Variants in KIF21B observed in about 807,000 individuals in gnomAD.
KIF21B encodes the protein kinesin family member 21B.
In KIF21B, 85 loss-of-function variants were observed where a neutral mutation model predicts 192.9. That is an observed-to-expected ratio of 0.44 (90% confidence interval 0.37 to 0.53). The LOEUF (loss-of-function observed/expected upper bound fraction) is 0.53, where lower values mean the gene tolerates loss of function less well. KIF21B is among the 20% of genes least tolerant of loss of function. The pLI is 0.00. For synonymous variants in KIF21B, 832 were observed against 884.6 expected (o/e 0.94, Z 1.05); for missense variants, 1,716 against 2,194.8 (o/e 0.78, Z 4.36).
In KIF21B at chr1:200,988,895, G is replaced by T. The variant is rs1467137241; in HGVS notation, c.3169C>A (p.Leu1057Met). 2 of 1,612,522 alleles carry T rather than the reference G, an allele frequency of 1.2e-6. No individual in the cohort carries two copies. Among genetic ancestry groups the T allele is most frequent in the Non-Finnish European group, 1.7e-6 (2 of 1,179,482 alleles). Residue 1057 changes from leucine to methionine, a missense_variant, in exon 22 of 35, where the codon CTG (leucine) becomes ATG (methionine). Transcript: ENST00000461742. ...QVAQKEAQIR[L>M]LEGRLRQTDM... is the part of the protein sequence containing the mutation. ...GTCTGCCTCAGTCGGCCCTCCAACA[G>T]CCGGATCTGGGCTTCCTTTTGTGCC...
chr1:200,992,261 G>T, intron 16 of KIF21B, 21 bp downstream of exon 16: 2 of 1,606,564 alleles, frequency 1.2e-6, no homozygotes, highest in Non-Finnish European at 1.7e-6. Context: ...GCTCCTGGGA[G>T]GCTCAAGGGC....
chr1:201,011,277 T>C (rs1212285752), intron 1 of KIF21B, among the ~76,000 whole-genome samples: 1 of 152,226 alleles, frequency 6.6e-6, no homozygotes, highest in Admixed American at 6.5e-5. Context: ...GCAGCAGACA[T>C]GCACTGAGCA....
intron 6 of KIF21B, 69 bp from the exon 7 acceptor site, chr1:201,004,524 C>G: frequency 7.3e-7 from 1 of 1,369,686 alleles, no homozygotes. Flanking sequence ...ACAAGAAAAT[C>G]CCCAACCCAT....
rs377370935 is a variant in KIF21B at position 200,977,253 on chromosome 1, G to A, written c.4284C>T (p.Tyr1428=). The A allele has an allele frequency of 5.8e-5, 93 of 1,614,060 alleles. 1 individual carries two copies. Among genetic ancestry groups the A allele is most frequent in the African/African-American group, 4.4e-4 (33 of 75,066 alleles). Reference sequence around the variant, plus strand: ...TGCGGACGGCATTGCCCGAGGCGGCGTACAGCATGGTGCCCGAAGGGCTGA... The same window carrying A: ...TGCGGACGGCATTGCCCGAGGCGGCATACAGCATGGTGCCCGAAGGGCTGA... ...IALSPSGTML[Y]AASGNAVRIW... The change falls in exon 31 of 35, where the codon TAC becomes TAT. Residue 1428 remains tyrosine, a synonymous_variant. Transcript: ENST00000461742.
chr1:200,991,684 C>T lies in KIF21B; in HGVS notation c.2427G>A (p.Glu809=). The T allele has an allele frequency of 1.2e-6, 2 of 1,614,192 alleles. No individual in the cohort carries two copies. Among genetic ancestry groups the T allele is most frequent in the Non-Finnish European group, 1.7e-6 (2 of 1,180,052 alleles). Residue 809 remains glutamate, a synonymous_variant, in exon 17 of 35, where the codon GAG becomes GAA. Transcript: ENST00000461742. The stretch of plus-strand genomic sequence containing the variant: ...CCTGGGTCTTCCTCCTCAGGACCAT[C>T]TCCTGCTGCCGCTTCTGGGACTCCA... ...RALESQKRQQ[E]MVLRRKTQEV...
chr1:200,998,559 C>T lies in KIF21B; in HGVS notation c.1902G>A (p.Ala634=), dbSNP rs61740473. Residue 634 remains alanine (A), a synonymous_variant, in exon 14 of 35, where the codon GCG becomes GCA. Coordinates refer to ENST00000461742, the MANE Select transcript of KIF21B (RefSeq NM_001252102.2). The surrounding 1 kb of genome is among the most constrained non-coding windows in gnomAD (Gnocchi z 4.3). ...DPEEKEVNFQ[A]DLADLTCEIE... is the part of the protein sequence containing the mutation. ...TCTCACAAGTCAGGTCGGCCAGGTC[C>T]GCCTGGAAGTTCACCTCTATGGGGG... The T allele has an allele frequency of 2.1e-5, 34 of 1,613,252 alleles. No homozygotes were observed. Among genetic ancestry groups the T allele is most frequent in the Admixed American group, 3.3e-5 (2 of 59,978 alleles).
Position 200,972,068 on chromosome 1 carries a change from C to T in KIF21B, c.*1453G>A, listed in dbSNP as rs1273219868. The T allele has an allele frequency of 4.0e-5, 4 of 101,048 alleles. No homozygotes were observed. The East Asian group carries it at 8.9e-4, about 22-fold the overall frequency. 6.3% of individuals were successfully genotyped at this position (101,048 alleles called of 1,614,324 possible). ...TGGGCAACTTTGGGTGGGGGTGGGG[C>T]GGGGGAGAGGGATGGAGCTCAGTCC... is the stretch of plus-strand genomic sequence containing the variant. On this transcript the variant is annotated 3_prime_UTR_variant, in exon 35 of 35. Coordinates refer to ENST00000461742, the MANE Select transcript of KIF21B (RefSeq NM_001252102.2).
chr1:200,979,028 TAC>T (rs1312230625), intron 30 of KIF21B, among the ~76,000 whole-genome samples: 6 of 152,252 alleles, frequency 3.9e-5, no homozygotes, highest in Non-Finnish European at 8.8e-5. Flanking sequence ...GACTGTAGCT[TAC>T]AGTGTTAATG....
chr1:201,005,482 G>T (rs1657758876), intron 4 of KIF21B, 40 bp from the exon 5 acceptor site: 2 of 1,595,512 alleles, frequency 1.3e-6, no homozygotes, highest in East Asian at 4.5e-5. Context: ...GGACTACCGT[G>T]GTGCCAGCCC....
intron 22 of KIF21B, 53 bp from the exon 23 acceptor site, chr1:200,988,597 CG>C: frequency 1.3e-6 from 2 of 1,500,398 alleles, no homozygotes; most frequent in Non-Finnish European, 9.0e-7. Context: ...GTCCAAGTGT[CG>C]GGGGAGGGAT....
rs1048506139 is a variant in KIF21B, at chr1:200,971,598, A to T, written c.*1923T>A. The T allele has an allele frequency of 1.3e-5, 2 of 152,388 alleles. No homozygotes were observed. Among genetic ancestry groups the T allele is most frequent in the Non-Finnish European group, 2.9e-5 (2 of 68,064 alleles). The allele number at this position is 152,388 out of a possible 1,614,324, so 9.4% of individuals were successfully genotyped here. On this transcript the variant is annotated 3_prime_UTR_variant, in exon 35 of 35. Coordinates refer to ENST00000461742, the MANE Select transcript of KIF21B (RefSeq NM_001252102.2). Reference sequence around the variant, plus strand: ...GATTTGTGGCCACATCTTAGAGCTAAGGGGGTTGCCCGGCACCCCCGGGGT... The same window carrying T: ...GATTTGTGGCCACATCTTAGAGCTATGGGGGTTGCCCGGCACCCCCGGGGT...
Position 200,999,872 on chromosome 1 carries a change from G to A in KIF21B, c.1767+11C>T, listed in dbSNP as rs200544550. 5.1e-4 allele frequency: 815 copies of A among 1,613,136 alleles called. 10 individuals are homozygous for A. The East Asian group carries it at 0.013, about 26-fold the overall frequency. On this transcript the variant is annotated intron_variant, in intron 12 of 34. Transcript: ENST00000461742. The surrounding 1 kb of genome is among the most constrained non-coding windows in gnomAD (Gnocchi z 4.7). ...TGCATGTGGTGAGGTGGGGCGGCCCGTGCTCCTCACCTCCTCCGCCTCGTT... is the reference window on the plus strand; with the variant it reads ...TGCATGTGGTGAGGTGGGGCGGCCCATGCTCCTCACCTCCTCCGCCTCGTT...
At chr1:200,993,019 G>T (rs761584356) in intron 15 of KIF21B, among the ~76,000 whole-genome samples, 2 of 152,184 alleles carry the variant, frequency 1.3e-5, no homozygotes, top group Non-Finnish European at 2.9e-5. Context: ...ACAAATCATC[G>T]CCTCCCAGTC....
rs1657229695 is a variant in KIF21B, at chr1:200,998,557, T to C, written c.1904A>G (p.Asp635Gly). 3 of 1,613,536 alleles carry C rather than the reference T, an allele frequency of 1.9e-6. No homozygotes were observed. Among genetic ancestry groups the C allele is most frequent in the Non-Finnish European group, 2.5e-6 (3 of 1,179,926 alleles). Residue 635 changes from aspartate (D) to glycine (G), a missense_variant, in exon 14 of 35, where the codon GAC (aspartate) becomes GGC (glycine). By Grantham distance (94) the Asp-to-Gly change is moderately conservative. Coordinates refer to ENST00000461742, the MANE Select transcript of KIF21B (RefSeq NM_001252102.2). This position sits in a 1 kb window ranked among gnomAD's most constrained non-coding sequence, Gnocchi z 4.3. ...GATCTCACAAGTCAGGTCGGCCAGG[T>C]CCGCCTGGAAGTTCACCTCTATGGG... ...PEEKEVNFQA[D>G]LADLTCEIEI...
At position 200,973,132 on chromosome 1, in the gene KIF21B, C is replaced by T; in HGVS notation, c.*389G>A. The T allele has an allele frequency of 5.2e-6, 1 of 190,924 alleles. No individual in the cohort carries two copies. 11.8% of individuals were successfully genotyped at this position (190,924 alleles called of 1,614,324 possible). A position where few individuals can be genotyped will look rare whatever the true frequency, so the allele number is the denominator to read the frequency against. ...CTGGGAGAAGCGGGGAGGCCAGCTC[C>T]TCGGAAGGGTGGGATGGGGCCAGGC... On this transcript the variant is annotated 3_prime_UTR_variant, in exon 35 of 35. Transcript: ENST00000461742.
Position 200,988,881 on chromosome 1 carries a change from T to G in KIF21B, c.3183A>C (p.Arg1061=), listed in dbSNP as rs1254748572. The part of the protein sequence containing the change: ...KEAQIRLLEG[R]LRQTDMAGSS... Reference sequence around the variant, plus strand: ...AGCCTGCCATATCCGTCTGCCTCAGTCGGCCCTCCAACAGCCGGATCTGGG... The same window carrying G: ...AGCCTGCCATATCCGTCTGCCTCAGGCGGCCCTCCAACAGCCGGATCTGGG... Residue 1061 remains arginine (R), a synonymous_variant, in exon 22 of 35, where the codon CGA becomes CGC. Coordinates refer to ENST00000461742, the MANE Select transcript of KIF21B (RefSeq NM_001252102.2). 6.2e-7 allele frequency: 1 copy of G among 1,613,182 alleles called. No homozygotes were observed. Among genetic ancestry groups the G allele is most frequent in the Non-Finnish European group, 8.5e-7 (1 of 1,179,624 alleles).
In KIF21B at chr1:200,975,570, C is replaced by T. The variant is rs1462022672; in HGVS notation, c.4543G>A (p.Asp1515Asn). The T allele has an allele frequency of 6.2e-7, 1 of 1,614,084 alleles. No individual in the cohort carries two copies. The highest frequency in any genetic ancestry group is 1.7e-5 in the Admixed American group (1 of 60,002). ...TCTCGGGAGCCACTGAACAGGATGT[C>T]TCCCTGGATGGCGAGACACTCGATG... ...DGIECLAIQG[D>N]ILFSGSRDNG... is the part of the protein sequence containing the mutation. The change falls in exon 33 of 35, where the codon GAC becomes AAC. Residue 1515 changes from aspartate to asparagine, a missense_variant. Coordinates refer to ENST00000461742, the MANE Select transcript of KIF21B (RefSeq NM_001252102.2). The surrounding 1 kb of genome is among the most constrained non-coding windows in gnomAD (Gnocchi z 4.3).
chr1:201,009,258 T>C lies in KIF21B; in HGVS notation c.264+8A>G, dbSNP rs1658096637. 6.2e-7 allele frequency: 1 copy of C among 1,613,132 alleles called. No homozygotes were observed. On this transcript the variant is annotated splice_region_variant and intron_variant, in intron 2 of 34. Transcript: ENST00000461742. ...GAGCCGCCATAGGTGGGCGTGAAGA[T>C]GGCTTACCTGCCCATAGGCCAGCAC...
intron 26 of KIF21B, 58 bp downstream of exon 26, chr1:200,986,786 T>C: frequency 7.0e-7 from 1 of 1,428,568 alleles, no homozygotes. Flanking sequence ...TAGCCACTCA[T>C]GTAACCAAGA....
Sources: allele counts gnomAD v4.1 joint callset (sites outside exome capture counted in the v4.1 genomes callset), GRCh38; gene constraint gnomAD v4.1.1; non-coding constraint Gnocchi (gnomAD v3.1); transcripts MANE v1.5; gene names NCBI Gene and HGNC (gene_info 2026-07-23, HGNC 2026-07-21).